FABP3: variants seen among roughly 807,000 people sequenced by gnomAD.
FABP3 encodes fatty acid-binding protein, heart.
Under a neutral mutation model 13.4 loss-of-function variants are expected in FABP3, and 8 were observed. The ratio of observed to expected loss-of-function variants is 0.60; its 90% CI spans 0.35 to 1.07. The LOEUF (loss-of-function observed/expected upper bound fraction) is 1.07, where lower values mean the gene tolerates loss of function less well. Ranked by LOEUF, FABP3 falls within the 50% of genes least tolerant of loss-of-function variation. The probability of loss-of-function intolerance (pLI) is 0.02; values close to 1 mark genes in which losing one functional copy is unlikely to be tolerated. For missense variants in FABP3, 135 were observed against 164.7 expected (o/e 0.82, Z 0.99); for synonymous variants, 64 against 60.0 (o/e 1.07, Z -0.31).
At chr1:31,365,047 G>T (rs1188394400), downstream of FABP3, 1 of 152,260 alleles carries the variant, frequency 6.6e-6, no homozygotes, top group African/African-American at 2.4e-5. Context: ...TTAGACCTTG[G>T]AGAGATGCCC....
intron 1 of FABP3, 27 bp downstream of exon 1, chr1:31,372,915 A>G (rs1487318444): frequency 6.2e-7 from 1 of 1,609,486 alleles, no homozygotes. Context: ...CCCCAAGCCA[A>G]CATCCTGAGC....
the FABP3 span, among the ~76,000 whole-genome samples, chr1:31,359,594 T>A: frequency 2.0e-5 from 3 of 152,300 alleles, no homozygotes; most frequent in South Asian, 6.2e-4. Context: ...ATTCTCTTTT[T>A]TCAGTTTTTG....
At chr1:31,360,105 G>A in the FABP3 span, among the ~76,000 whole-genome samples, 20 of 151,506 alleles carry the variant, frequency 1.3e-4, no homozygotes, top group African/African-American at 4.9e-4. Flanking sequence ...TCAGCCTCCC[G>A]AGTAGCTGGG....
chr1:31,366,529 G>T (rs753878570), intron 3 of FABP3, among the ~76,000 whole-genome samples: 2 of 152,158 alleles, frequency 1.3e-5, no homozygotes, highest in Non-Finnish European at 1.5e-5. Context: ...ACTTCAAGGG[G>T]ACCCCTGTCC....
At position 31,369,414 on chromosome 1, in the gene FABP3, C is replaced by A; in HGVS notation, c.217G>T (p.Glu73Ter). ...ISFKLGVEFD[E>*]TTADDRKVKS... ...ACCTTCCTGTCATCTGCTGTTGTCT[C>A]ATCGAACTCCACCCCCAACTTAAAG... Residue 73 changes from glutamate to a stop codon, truncating the protein, a stop_gained, in exon 2 of 4, where the codon GAG becomes TAG. Coordinates refer to ENST00000373713, the MANE Select transcript of FABP3 (RefSeq NM_004102.5). LOFTEE classifies it high-confidence loss of function. 1 of 1,614,184 alleles carries A rather than the reference C, an allele frequency of 6.2e-7. No individual in the cohort carries two copies. Among genetic ancestry groups the A allele is most frequent in the East Asian group, 2.2e-5 (1 of 44,876 alleles).
intron 3 of FABP3, among the ~76,000 whole-genome samples, chr1:31,366,575 T>C (rs980565949): frequency 5.9e-5 from 9 of 152,254 alleles, no homozygotes. Context: ...CAGGTTATGC[T>C]GACCCAAGAA....
At chr1:31,361,953 A>G (rs984656525), downstream of FABP3, among the ~76,000 whole-genome samples, 1 of 152,118 alleles carries the variant, frequency 6.6e-6, no homozygotes, top group African/African-American at 2.4e-5. Flanking sequence ...CTGGGACTAC[A>G]GGCCCGCGTA....
Position 31,369,441 on chromosome 1 carries a change from T to C in FABP3, c.190A>G (p.Ser64Gly), listed in dbSNP as rs758689942. 6.2e-7 allele frequency: 1 copy of C among 1,614,168 alleles called. No homozygotes were observed. The highest frequency in any genetic ancestry group is 1.1e-5 in the South Asian group (1 of 91,066). The change falls in exon 2 of 4, where the codon AGC (serine) becomes GGC (glycine). Residue 64 changes from serine to glycine, a missense_variant. By Grantham distance (56) the Ser-to-Gly change is moderately conservative. Transcript: ENST00000373713. ...TCGAACTCCACCCCCAACTTAAAGC[T>C]GATCTCTGTGTTCTTGAAGGTGCTG... ...THSTFKNTEI[S>G]FKLGVEFDET...
downstream of FABP3, chr1:31,364,009 G>T: frequency 1.2e-6 from 2 of 1,607,236 alleles, no homozygotes; most frequent in South Asian, 2.2e-5. Flanking sequence ...ATACAGTGTT[G>T]ATTTTTAAAA....
chr1:31,371,718 T>C (rs1261239156), intron 1 of FABP3, among the ~76,000 whole-genome samples: 2 of 152,184 alleles, frequency 1.3e-5, no homozygotes, highest in Non-Finnish European at 2.9e-5. Flanking sequence ...AACTTCCCAA[T>C]AGCTGCTGGG....
At chr1:31,367,528 C>T in intron 2 of FABP3, 34 bp from the exon 3 acceptor site, 2 of 1,580,282 alleles carry the variant, frequency 1.3e-6, no homozygotes, top group Non-Finnish European at 8.7e-7. Context: ...GAGCTGTGAT[C>T]TTAGTCAGGA....
chr1:31,369,037 G>T (rs2148495141), intron 2 of FABP3: 1 of 214,054 alleles, frequency 4.7e-6, no homozygotes, highest in East Asian at 1.0e-4. Context: ...TGCCATCTAT[G>T]GAAGGGGAAA....
rs1640094883 is a variant in FABP3 at position 31,365,756 on chromosome 1, G to A, written c.*130C>T. ...ACCATGGGAACTGGAACTGGATCCC[G>A]GTCAGTGGCACCTGACCCCAGAAGA... On this transcript the variant is annotated 3_prime_UTR_variant, in exon 4 of 4. Transcript: ENST00000373713. The A allele has an allele frequency of 9.1e-6, 7 of 771,730 alleles. No homozygotes were observed. The highest frequency in any genetic ancestry group is 3.5e-5 in the African/African-American group (2 of 57,372). 47.8% of individuals were successfully genotyped at this position (771,730 alleles called of 1,614,324 possible). A position where few individuals can be genotyped will look rare whatever the true frequency, so the allele number is the denominator to read the frequency against.
chr1:31,370,486 CTT>C (rs1375695905), intron 1 of FABP3, among the ~76,000 whole-genome samples: 1 of 152,192 alleles, frequency 6.6e-6, no homozygotes, highest in Non-Finnish European at 1.5e-5. Context: ...TGTTAGTGCT[CTT>C]GTCCCTTATA....
chr1:31,367,403 T>C lies in FABP3; in HGVS notation c.338A>G (p.Lys113Arg). Residue 113 changes from lysine to arginine, a missense_variant, in exon 3 of 4, where the codon AAA becomes AGA. Transcript: ENST00000373713. ...TTLVRELIDG[K>R]LILTLTHGTA... ...AGTTGCCCATCTTACCAGGATGAGT[T>C]TTCCATCAATTAGCTCCCGCACAAG... 1 of 1,613,994 alleles carries C rather than the reference T, an allele frequency of 6.2e-7. No homozygotes were observed. Among genetic ancestry groups the C allele is most frequent in the Non-Finnish European group, 8.5e-7 (1 of 1,179,848 alleles).
Position 31,369,490 on chromosome 1 carries a change from C to G in FABP3, c.141G>C (p.Gly47=). 6.2e-7 allele frequency: 1 copy of G among 1,614,082 alleles called. No individual in the cohort carries two copies. The highest frequency in any genetic ancestry group is 8.5e-7 in the Non-Finnish European group (1 of 1,180,014). ...TGTGTGTTTTTAGGGTGAGAATGTC[C>G]CCATTCTTTTCGATGATTGTGGTAG... is the stretch of plus-strand genomic sequence containing the variant. ...TKPTTIIEKN[G]DILTLKTHST... The change falls in exon 2 of 4, where the codon GGG becomes GGC. Residue 47 remains glycine (G), a synonymous_variant. Transcript: ENST00000373713.
downstream of FABP3, among the ~76,000 whole-genome samples, chr1:31,362,864 C>A (rs903147037): frequency 6.6e-6 from 1 of 152,114 alleles, no homozygotes; most frequent in African/African-American, 2.4e-5. Flanking sequence ...TAAAAAAAAT[C>A]AAATTAGACA....
downstream of FABP3, among the ~76,000 whole-genome samples, chr1:31,362,471 A>G (rs1639944925): frequency 6.6e-6 from 1 of 152,216 alleles, no homozygotes; most frequent in African/African-American, 2.4e-5. Context: ...CTGCCCCATT[A>G]GACACCTGGG....
chr1:31,363,929 C>G (rs1053699590), downstream of FABP3: 1 of 1,478,580 alleles, frequency 6.8e-7, no homozygotes, highest in Non-Finnish European at 9.0e-7. Context: ...TCCCAAAGTA[C>G]TAGGATTACA....
Sources: allele counts gnomAD v4.1 joint callset (sites outside exome capture counted in the v4.1 genomes callset), GRCh38; gene constraint gnomAD v4.1.1; transcripts MANE v1.5; gene names NCBI Gene and HGNC (gene_info 2026-07-23, HGNC 2026-07-21).